FBN2: variants seen among roughly 807,000 people sequenced by gnomAD.
The protein encoded by FBN2 is fibrillin-2.
FBN2 carries 105 observed loss-of-function variants against 355.6 expected under a neutral mutation model. The observed-to-expected ratio is 0.30, with a 90% CI of 0.25 to 0.35. The LOEUF is 0.35. Ranked by LOEUF, FBN2 falls within the 10% of genes least tolerant of loss-of-function variation. FBN2 has a pLI of 1.00. For synonymous variants in FBN2, 1,350 were observed against 1,301.2 expected (o/e 1.04, Z -0.81); for missense variants, 3,280 against 3,758.7 (o/e 0.87, Z 3.33).
chr5:128,330,628 G>A lies in FBN2; in HGVS notation c.4290C>T (p.Gly1430=), dbSNP rs773650336. ...CTTCGGAGCAGGCACAGCGGTATGA[G>A]CCCGGGGTATTTACACACTGAGCAT... The part of the protein sequence containing the change: ...SINAQCVNTP[G]SYRCACSEGF... Residue 1430 remains glycine (G), a synonymous_variant, in exon 33 of 65, where the codon GGC becomes GGT. Transcript: ENST00000262464. The A allele has an allele frequency of 5.6e-6, 9 of 1,613,990 alleles. No homozygotes were observed. In the Admixed American group the frequency reaches 8.3e-5, roughly 15 times the overall value.
intron 5 of FBN2, among the ~76,000 whole-genome samples, chr5:128,487,482 T>C (rs1295523262): frequency 6.6e-6 from 1 of 152,204 alleles, no homozygotes; most frequent in Non-Finnish European, 1.5e-5. Flanking sequence ...TTTAAATCAG[T>C]ATCTCAAAAA....
intron 26 of FBN2, 64 bp from the exon 27 acceptor site, chr5:128,338,186 G>C: frequency 6.7e-7 from 1 of 1,484,820 alleles, no homozygotes; most frequent in South Asian, 1.2e-5. Flanking sequence ...CACATACAGC[G>C]TGGGAGAAAG....
At position 128,300,777 on chromosome 5, in the gene FBN2, C is replaced by T. The variant is rs1051123852; in HGVS notation, c.6166+40G>A. 2.5e-6 allele frequency: 4 copies of T among 1,608,250 alleles called. No homozygotes were observed. The African/African-American group carries it at 5.3e-5, about 21-fold the overall frequency. ...AGAGTCTTTACCATGTCTTACTATA[C>T]TGAACTACTAGTGGGCCTCAGAATA... is the stretch of plus-strand genomic sequence containing the variant. On this transcript the variant is annotated intron_variant, in intron 48 of 64. Transcript: ENST00000262464.
At chr5:128,527,557 T>C (rs922529957) in intron 4 of FBN2, among the ~76,000 whole-genome samples, 57 of 151,690 alleles carry the variant, frequency 3.8e-4, no homozygotes, top group African/African-American at 1.4e-3. Flanking sequence ...TTCAGGAAAG[T>C]ATACATGTTT....
intron 5 of FBN2, among the ~76,000 whole-genome samples, chr5:128,504,398 C>A (rs1189132566): frequency 6.6e-6 from 1 of 152,188 alleles, no homozygotes; most frequent in Non-Finnish European, 1.5e-5. Context: ...AAGCCACAGG[C>A]ACTCAACACC....
chr5:128,465,916 A>AT (rs1754699208), intron 5 of FBN2, among the ~76,000 whole-genome samples: 2 of 152,134 alleles, frequency 1.3e-5, no homozygotes, highest in Non-Finnish European at 2.9e-5. Flanking sequence ...CAGGTTCTGC[A>AT]TTTTTTAACA....
chr5:128,317,343 T>C (rs528706646), intron 36 of FBN2, among the ~76,000 whole-genome samples: 65 of 152,318 alleles, frequency 4.3e-4, no homozygotes, highest in African/African-American at 1.5e-3. Context: ...CTTTACCAAA[T>C]GAATTATTTT....
chr5:128,456,035 A>G (rs994682555), intron 6 of FBN2, among the ~76,000 whole-genome samples: 16 of 143,430 alleles, frequency 1.1e-4, no homozygotes, highest in Non-Finnish European at 2.3e-4. Flanking sequence ...CAACTGCTGA[A>G]CACACTAAGC....
chr5:128,318,366 T>A, intron 35 of FBN2, 95 bp from the exon 36 acceptor site: 1 of 1,225,670 alleles, frequency 8.2e-7, no homozygotes, highest in Non-Finnish European at 1.2e-6. Flanking sequence ...TGCAAGTGAG[T>A]AGATTAAAGA....
chr5:128,534,599 A>G (rs2112806902), intron 2 of FBN2, among the ~76,000 whole-genome samples: 1 of 152,380 alleles, frequency 6.6e-6, no homozygotes, highest in Non-Finnish European at 1.5e-5. Flanking sequence ...GATTTCTGAT[A>G]CGTGTAAATT....
intron 20 of FBN2, among the ~76,000 whole-genome samples, chr5:128,351,446 C>T (rs2126922976): frequency 6.6e-6 from 1 of 151,984 alleles, no homozygotes; most frequent in East Asian, 1.9e-4. Context: ...ACTCGGGAGG[C>T]TGAGGCAGGA....
rs1460506967 is a variant in FBN2, at chr5:128,310,388, ATATATATATATATATTTTTTT to A, written c.5075-301_5075-281del. 0.036 allele frequency among the ~76,000 whole-genome samples: 2,670 copies of A among 74,020 alleles called. 87 individuals carry two copies. Among genetic ancestry groups the A allele is most frequent in the East Asian group, 0.2 (332 of 1,650 alleles). The allele number at this position is 74,020 out of a possible 152,430, so 48.6% of individuals were successfully genotyped here. On this transcript the variant is annotated intron_variant, in intron 39 of 64. Transcript: ENST00000262464. Reference sequence around the variant, plus strand: ...CACATATATATATATATATATATATATATATATATATATATTTTTTTTTTTTTTTTTTTATTGCAATTCGCA... The same window carrying A: ...CACATATATATATATATATATATATATTTTTTTTTTTTATTGCAATTCGCA...
chr5:128,277,801 C>T (rs1765432474), intron 58 of FBN2, 79 bp downstream of exon 58: 2 of 1,445,844 alleles, frequency 1.4e-6, no homozygotes, highest in Non-Finnish European at 1.9e-6. Flanking sequence ...TAAAGACACT[C>T]TACTGATAAT....
At chr5:128,426,589 C>T (rs1031388033) in intron 7 of FBN2, among the ~76,000 whole-genome samples, 1 of 152,156 alleles carries the variant, frequency 6.6e-6, no homozygotes, top group African/African-American at 2.4e-5. Flanking sequence ...CACAGGTTTT[C>T]CAATCCCCTT....
chr5:128,417,344 T>C (rs1753232683), intron 7 of FBN2, among the ~76,000 whole-genome samples: 1 of 152,228 alleles, frequency 6.6e-6, no homozygotes. Flanking sequence ...GCCTTTTATT[T>C]CTTTCTCTCT....
At chr5:128,353,278 T>C (rs1163047963) in intron 20 of FBN2, among the ~76,000 whole-genome samples, 5 of 151,456 alleles carry the variant, frequency 3.3e-5, no homozygotes, top group Non-Finnish European at 7.4e-5. Flanking sequence ...ATGGCAGAAA[T>C]AGTAATTTCT....
rs148971572 is a variant in FBN2, at chr5:128,464,741, C to A, written c.809G>T (p.Arg270Leu). 22 of 1,613,486 alleles carry A rather than the reference C, an allele frequency of 1.4e-5. No individual in the cohort carries two copies. Among genetic ancestry groups the A allele is most frequent in the East Asian group, 1.1e-4 (5 of 44,884 alleles). The part of the protein sequence containing the change: ...PCRRGFIPNI[R>L]TGACQDVDEC... ...TGACTCACCTTGGCAAGCTCCAGTG[C>A]GGATGTTGGGGATGAAACCCCGTCG... The change falls in exon 6 of 65, where the codon CGC becomes CTC. Residue 270 changes from arginine (R) to leucine (L), a missense_variant. Around this residue, in one of 6 missense-constraint regions of FBN2, gnomAD observed 343 missense variants for 331.0 expected, o/e 1.04. Coordinates refer to ENST00000262464, the MANE Select transcript of FBN2 (RefSeq NM_001999.4).
intron 4 of FBN2, among the ~76,000 whole-genome samples, 172 bp from the exon 5 acceptor site, chr5:128,519,540 A>G (rs1756373966): frequency 6.6e-6 from 1 of 152,100 alleles, no homozygotes; most frequent in Non-Finnish European, 1.5e-5. Flanking sequence ...AAATTTAAGT[A>G]AATATATTTA....
intron 8 of FBN2, among the ~76,000 whole-genome samples, chr5:128,397,265 C>T (rs563748705): frequency 3.3e-5 from 5 of 152,102 alleles, no homozygotes; most frequent in Admixed American, 6.5e-5. Flanking sequence ...TTTATGAACC[C>T]GAAGTATCAT....
Sources: gnomAD v4.1 joint callset for allele counts (sites outside exome capture counted in the v4.1 genomes callset) on GRCh38, gnomAD v4.1.1 for gene constraint, gnomAD v4.1.1 regional missense constraint, MANE v1.5 for transcripts, NCBI Gene and HGNC (gene_info 2026-07-23, HGNC 2026-07-21) for gene names.